Variants in MTMR9 observed in about 807,000 individuals in gnomAD.
MTMR9 encodes the protein myotubularin related protein 9, also known as myotubularin-related protein 9.
A neutral mutation model predicts 69.5 loss-of-function variants in MTMR9; 39 were observed. The ratio of observed to expected loss-of-function variants is 0.56; its 90% CI spans 0.43 to 0.73. The LOEUF is 0.73. Ranked by LOEUF, MTMR9 falls within the 30% of genes least tolerant of loss-of-function variation. MTMR9 has a pLI of 0.00. For synonymous variants in MTMR9, 354 were observed against 240.8 expected (o/e 1.47, Z -4.35); for missense variants, 900 against 671.2 (o/e 1.34, Z -3.77).
intron 1 of MTMR9, among the ~76,000 whole-genome samples, chr8:11,290,289 T>G (rs1455220259): frequency 6.6e-6 from 1 of 152,170 alleles, no homozygotes; most frequent in Non-Finnish European, 1.5e-5. Context: ...ATTTCTGTGG[T>G]CTACTTTTAA....
chr8:11,337,551 C>A, the MTMR9 span, among the ~76,000 whole-genome samples: 1 of 152,136 alleles, frequency 6.6e-6, no homozygotes, highest in Non-Finnish European at 1.5e-5. Flanking sequence ...TTCATGTATT[C>A]AATGAAGTGG....
chr8:11,322,223 T>A (rs1416749964), intron 9 of MTMR9, among the ~76,000 whole-genome samples: 1 of 152,186 alleles, frequency 6.6e-6, no homozygotes, highest in African/African-American at 2.4e-5. Flanking sequence ...CTTCACACAT[T>A]TAAGGGATCT....
the MTMR9 span, among the ~76,000 whole-genome samples, chr8:11,338,837 A>G: frequency 2.0e-5 from 3 of 152,218 alleles, no homozygotes; most frequent in Non-Finnish European, 2.9e-5. Flanking sequence ...AACTTTAGAC[A>G]GTAGCAATTT....
intron 3 of MTMR9, among the ~76,000 whole-genome samples, chr8:11,303,078 C>G (rs566982810): frequency 6.6e-6 from 1 of 150,694 alleles, no homozygotes; most frequent in East Asian, 1.9e-4. Context: ...ATAAAAACCC[C>G]AGTTGGTTTT....
At chr8:11,333,829 G>A in the MTMR9 span, among the ~76,000 whole-genome samples, 1 of 152,130 alleles carries the variant, frequency 6.6e-6, no homozygotes, top group African/African-American at 2.4e-5. Flanking sequence ...GGTTGCTATG[G>A]TTTGAATGTC....
Position 11,304,880 on chromosome 8 carries a change from G to T in MTMR9, c.457G>T (p.Ala153Ser). The change falls in exon 4 of 10, where the codon GCT (alanine) becomes TCT (serine). Residue 153 changes from alanine (A) to serine (S), a missense_variant. By Grantham distance (99) the Ala-to-Ser change is moderately conservative (BLOSUM62 1). Transcript: ENST00000221086. ...GCTAAGCTATGTCAATAAGGAATTT[G>T]CTGTCTGTCCCTCTTACCCACCAAT... is the stretch of plus-strand genomic sequence containing the variant. The part of the protein sequence containing the change: ...WRLSYVNKEF[A>S]VCPSYPPIVT... The T allele has an allele frequency of 6.2e-7, 1 of 1,614,086 alleles. No homozygotes were observed. The highest frequency in any genetic ancestry group is 8.5e-7 in the Non-Finnish European group (1 of 1,179,948).
At chr8:11,328,847 TATG>T (rs1801065448), downstream of MTMR9, among the ~76,000 whole-genome samples, 1 of 152,242 alleles carries the variant, frequency 6.6e-6, no homozygotes, top group Non-Finnish European at 1.5e-5. Flanking sequence ...TGCCTTCTGA[TATG>T]ATCCATCCAG....
rs1167102871 is a variant in MTMR9, at chr8:11,325,012, T to A, written c.*2224T>A. On this transcript the variant is annotated 3_prime_UTR_variant, in exon 10 of 10. Transcript: ENST00000221086. Reference sequence around the variant, plus strand: ...ACCCATCTTCCTGATGCACATTTGCTGTGCGAGCCAGAGTACAGTCATAAC... The same window carrying A: ...ACCCATCTTCCTGATGCACATTTGCAGTGCGAGCCAGAGTACAGTCATAAC... 1 of 152,252 alleles carries A rather than the reference T, an allele frequency of 6.6e-6. No individual in the cohort carries two copies. Among genetic ancestry groups the A allele is most frequent in the Non-Finnish European group, 1.5e-5 (1 of 68,054 alleles). The allele number at this position is 152,252 out of a possible 1,614,324, so 9.4% of individuals were successfully genotyped here.
intron 9 of MTMR9, chr8:11,321,259 T>C: frequency 2.7e-6 from 1 of 365,536 alleles, no homozygotes; most frequent in Non-Finnish European, 5.5e-6. Context: ...TGTGAAGGGA[T>C]GGTGACTGCT....
At chr8:11,306,472 C>T in intron 5 of MTMR9, 65 bp downstream of exon 5, 2 of 1,424,824 alleles carry the variant, frequency 1.4e-6, no homozygotes, top group Non-Finnish European at 9.7e-7. Context: ...AAGGCCTTAG[C>T]CATTTGAAAA....
At chr8:11,337,811 C>G in the MTMR9 span, among the ~76,000 whole-genome samples, 2 of 152,224 alleles carry the variant, frequency 1.3e-5, no homozygotes, top group Non-Finnish European at 2.9e-5. Context: ...GAGACAGATT[C>G]CTGTCACTTC....
intron 9 of MTMR9, chr8:11,321,565 A>C (rs3808503): frequency 0.02 from 8,992 of 452,998 alleles, 300 homozygotes; most frequent in East Asian, 0.13. Flanking sequence ...GCCATGCCGG[A>C]GTTTCAGTGT....
intron 8 of MTMR9, 36 bp downstream of exon 8, chr8:11,316,929 C>G (rs1294980332): frequency 7.6e-6 from 11 of 1,438,036 alleles, no homozygotes; most frequent in African/African-American, 2.9e-5. Flanking sequence ...CTTTCCTTTT[C>G]CGTTGTTTTG....
At chr8:11,338,524 C>G in the MTMR9 span, among the ~76,000 whole-genome samples, 3 of 152,144 alleles carry the variant, frequency 2.0e-5, no homozygotes, top group Non-Finnish European at 2.9e-5. Flanking sequence ...GAAAGGTAGA[C>G]ATAATTCCTG....
Position 11,319,820 on chromosome 8 carries a change from A to T in MTMR9, c.1468A>T (p.Ser490Cys), listed in dbSNP as rs1391417229. 6.2e-7 allele frequency: 1 copy of T among 1,614,142 alleles called. No homozygotes were observed. The highest frequency in any genetic ancestry group is 1.1e-5 in the South Asian group (1 of 91,082). Residue 490 changes from serine (S) to cysteine (C), a missense_variant, in exon 9 of 10, where the codon AGT becomes TGT. Ser to Cys is a moderately radical substitution (Grantham distance 112). Transcript: ENST00000221086. The stretch of plus-strand genomic sequence containing the variant: ...CATCTGGCCTTCAGTTGCTCCGCAG[A>T]GTCTTCCACTGTGGGAAGGTAAACC... ...LVIWPSVAPQ[S>C]LPLWEGIFLR...
At chr8:11,319,931 A>G in intron 9 of MTMR9, 93 bp downstream of exon 9, 1 of 1,334,370 alleles carries the variant, frequency 7.5e-7, no homozygotes, top group African/African-American at 1.5e-5. Flanking sequence ...GAAGATGGTG[A>G]GCTGGACGTG....
chr8:11,315,325 A>G (rs2117441624), intron 7 of MTMR9, among the ~76,000 whole-genome samples: 1 of 152,316 alleles, frequency 6.6e-6, no homozygotes, highest in South Asian at 2.1e-4. Flanking sequence ...AAAGAATGGG[A>G]AGCATAGTGC....
At chr8:11,297,205 A>T (rs1054847538) in intron 2 of MTMR9, among the ~76,000 whole-genome samples, 6 of 152,186 alleles carry the variant, frequency 3.9e-5, no homozygotes, top group African/African-American at 1.4e-4. Flanking sequence ...AAAAATCTAG[A>T]AGTAGGATTT....
chr8:11,312,987 A>G (rs899089292), intron 6 of MTMR9, among the ~76,000 whole-genome samples: 1 of 152,254 alleles, frequency 6.6e-6, no homozygotes, highest in Non-Finnish European at 1.5e-5. Context: ...TAAACTATTC[A>G]GTAAACTATG....
Sources: gnomAD v4.1 joint callset for allele counts (sites outside exome capture counted in the v4.1 genomes callset) on GRCh38, gnomAD v4.1.1 for gene constraint, MANE v1.5 for transcripts, NCBI Gene and HGNC (gene_info 2026-07-23, HGNC 2026-07-21) for gene names.